Variants in ATF7IP observed in about 807,000 individuals in gnomAD.
ATF7IP encodes activating transcription factor 7-interacting protein 1.
Under a neutral mutation model 106.4 loss-of-function variants are expected in ATF7IP, and 23 were observed. The ratio of observed to expected loss-of-function variants is 0.22; its 90% CI spans 0.16 to 0.31. The LOEUF (loss-of-function observed/expected upper bound fraction) is 0.31, where lower values mean the gene tolerates loss of function less well. Among genes scored for constraint, ATF7IP ranks in the 10% least tolerant of loss-of-function variants. ATF7IP has a pLI of 1.00. For synonymous variants in ATF7IP, 542 were observed against 539.0 expected, an observed-to-expected ratio of 1.01 and a Z score of -0.08; for missense variants, 1,334 against 1,524.3, an observed-to-expected ratio of 0.88 and a Z score of 2.08.
chr12:14,436,361 A>G (rs1351149218), intron 4 of ATF7IP, 110 bp downstream of exon 4: 14 of 1,137,338 alleles, frequency 1.2e-5, no homozygotes, highest in Non-Finnish European at 1.6e-5. Context: ...GGTTTATCAT[A>G]GAAAGAAAGA....
chr12:14,482,071 T>G (rs923210415), intron 13 of ATF7IP: 2 of 152,302 alleles, frequency 1.3e-5, no homozygotes, highest in African/African-American at 4.8e-5. Flanking sequence ...AATAATAAAA[T>G]GAACTACGTA....
intron 1 of ATF7IP, among the ~76,000 whole-genome samples, chr12:14,411,220 G>A (rs1940896976): frequency 6.6e-6 from 1 of 152,144 alleles, no homozygotes; most frequent in Admixed American, 6.6e-5. Flanking sequence ...CAAAGCAGCT[G>A]CACCTTTTTG....
chr12:14,459,434 T>G (rs1213123284), intron 8 of ATF7IP, among the ~76,000 whole-genome samples: 1 of 152,250 alleles, frequency 6.6e-6, no homozygotes, highest in East Asian at 1.9e-4. Flanking sequence ...TGGGGATTCT[T>G]AAGTAAAACT....
chr12:14,450,589 C>T (rs1307862642), intron 6 of ATF7IP, among the ~76,000 whole-genome samples: 1 of 151,984 alleles, frequency 6.6e-6, no homozygotes, highest in Non-Finnish European at 1.5e-5. Flanking sequence ...ATTTTTATAT[C>T]AGTATTCATC....
chr12:14,411,428 C>A (rs1353479191), intron 1 of ATF7IP, among the ~76,000 whole-genome samples: 2 of 151,952 alleles, frequency 1.3e-5, no homozygotes, highest in Admixed American at 1.3e-4. Context: ...AGGAGAAAAA[C>A]CTAATGTAGG....
chr12:14,382,032 C>A (rs1236489770), intron 1 of ATF7IP, among the ~76,000 whole-genome samples: 1 of 151,958 alleles, frequency 6.6e-6, no homozygotes, highest in African/African-American at 2.4e-5. Flanking sequence ...GACATTATCT[C>A]TACAGAAAAT....
At chr12:14,427,389 G>GT (rs1223025545) in intron 2 of ATF7IP, among the ~76,000 whole-genome samples, 1 of 151,220 alleles carries the variant, frequency 6.6e-6, no homozygotes, top group East Asian at 1.9e-4. Context: ...CCGAGATGGA[G>GT]TCTCGCTCTG....
intron 1 of ATF7IP, among the ~76,000 whole-genome samples, chr12:14,420,665 A>G (rs918744605): frequency 2.0e-5 from 3 of 152,126 alleles, no homozygotes; most frequent in African/African-American, 7.2e-5. Context: ...GCCATCACTC[A>G]TTTAGTGAGG....
chr12:14,398,761 C>G (rs1355467396), intron 1 of ATF7IP, among the ~76,000 whole-genome samples: 1 of 151,648 alleles, frequency 6.6e-6, no homozygotes, highest in Non-Finnish European at 1.5e-5. Flanking sequence ...TGTTCTATTA[C>G]TTGATTTTCA....
Position 14,461,129 on chromosome 12 carries a change from A to T in ATF7IP, c.2793A>T (p.Arg931Ser). 1 of 1,609,934 alleles carries T rather than the reference A, an allele frequency of 6.2e-7. No homozygotes were observed. The highest frequency in any genetic ancestry group is 1.1e-5 in the South Asian group (1 of 90,870). The change falls in exon 9 of 15, where the codon AGA (arginine) becomes AGT (serine). Residue 931 changes from arginine (R) to serine (S), a missense_variant. By Grantham distance (110) the Arg-to-Ser change is moderately radical. Around this residue, in one of 10 missense-constraint regions of ATF7IP, gnomAD observed 370 missense variants for 401.2 expected, o/e 0.92. Coordinates refer to ENST00000261168, the MANE Select transcript of ATF7IP (RefSeq NM_018179.5). ...AAEQNSNTTP[R>S]IENQTNKTID... ...AACAGAACAGCAATACCACCCCAAG[A>T]ATTGGTAAGTCACCATGTAGGTTTA...
At chr12:14,447,111 A>G in intron 6 of ATF7IP, 58 bp downstream of exon 6, 1 of 1,340,868 alleles carries the variant, frequency 7.5e-7, no homozygotes. Context: ...AATCTTAGGA[A>G]ATGCTGAATT....
Position 14,457,272 on chromosome 12 carries a change from C to G in ATF7IP, c.2135C>G (p.Ser712Cys), listed in dbSNP as rs1332715034. The G allele has an allele frequency of 1.9e-6, 3 of 1,612,230 alleles. No individual in the cohort carries two copies. Among genetic ancestry groups the G allele is most frequent in the Non-Finnish European group, 2.5e-6 (3 of 1,179,464 alleles). The change falls in exon 8 of 15, where the codon TCC (serine) becomes TGC (cysteine). Residue 712 changes from serine to cysteine, a missense_variant. Coordinates refer to ENST00000261168, the MANE Select transcript of ATF7IP (RefSeq NM_018179.5). ...AATGTAAGCGAGAGTGCACCACCAT[C>G]CTTTCAAACTCCTGTGAATACAGGT... Reference protein sequence around the residue: ...KRNVSESAPPSFQTPVNTVSS... With the variant: ...KRNVSESAPPCFQTPVNTVSS...
chr12:14,493,807 T>G (rs1364197804), intron 13 of ATF7IP, among the ~76,000 whole-genome samples: 1 of 152,112 alleles, frequency 6.6e-6, no homozygotes, highest in African/African-American at 2.4e-5. Flanking sequence ...ACTTCAGCGC[T>G]CTCTCTACAG....
chr12:14,395,988 TA>T (rs1389720277), intron 1 of ATF7IP, among the ~76,000 whole-genome samples: 2 of 152,168 alleles, frequency 1.3e-5, no homozygotes, highest in Non-Finnish European at 2.9e-5. Flanking sequence ...TCCATTGCAA[TA>T]AAAATAATCT....
intron 1 of ATF7IP, among the ~76,000 whole-genome samples, chr12:14,379,989 T>TTGTG (rs368304978): frequency 9.2e-5 from 14 of 151,612 alleles, no homozygotes; most frequent in African/African-American, 3.1e-4. Context: ...GGTGATGTAT[T>TTGTG]TGTGTGTGTG....
intron 1 of ATF7IP, among the ~76,000 whole-genome samples, chr12:14,423,285 TATAA>T (rs1394148767): frequency 3.9e-5 from 6 of 152,114 alleles, no homozygotes; most frequent in Non-Finnish European, 8.8e-5. Context: ...CTGTATTCTA[TATAA>T]ATATATATTC....
chr12:14,451,318 T>TTG (rs1216865109), intron 6 of ATF7IP, among the ~76,000 whole-genome samples: 6 of 152,132 alleles, frequency 3.9e-5, no homozygotes, highest in African/African-American at 1.4e-4. Context: ...TTTATCAATT[T>TTG]TGCTGATTTT....
At chr12:14,406,442 C>G (rs1940584915) in intron 1 of ATF7IP, among the ~76,000 whole-genome samples, 1 of 152,030 alleles carries the variant, frequency 6.6e-6, no homozygotes, top group Non-Finnish European at 1.5e-5. Context: ...GTGATATACT[C>G]TTTTCACTAG....
intron 1 of ATF7IP, among the ~76,000 whole-genome samples, chr12:14,378,361 G>A (rs1184603386): frequency 6.6e-6 from 1 of 152,120 alleles, no homozygotes; most frequent in African/African-American, 2.4e-5. Context: ...GCCTCCCAAA[G>A]TGCTGGGATT....
Sources: allele counts gnomAD v4.1 joint callset (sites outside exome capture counted in the v4.1 genomes callset), GRCh38; gene constraint gnomAD v4.1.1; regional missense constraint gnomAD v4.1.1; transcripts MANE v1.5; gene names NCBI Gene and HGNC (gene_info 2026-07-23, HGNC 2026-07-21).